Variants in CACNA2D3 observed in about 807,000 individuals in gnomAD.
The protein encoded by CACNA2D3 is calcium voltage-gated channel auxiliary subunit alpha2delta 3, also known as voltage-dependent calcium channel subunit alpha-2/delta-3.
In CACNA2D3, 60 loss-of-function variants were observed where a neutral mutation model predicts 160.6. The ratio of observed to expected loss-of-function variants is 0.37; its 90% CI spans 0.30 to 0.46. The LOEUF (loss-of-function observed/expected upper bound fraction) is 0.46, where lower values mean the gene tolerates loss of function less well. Ranked by LOEUF, CACNA2D3 falls within the 20% of genes least tolerant of loss-of-function variation. The probability of loss-of-function intolerance (pLI) is 1.00; values close to 1 mark genes in which losing one functional copy is unlikely to be tolerated. For missense variants in CACNA2D3, 1,205 were observed against 1,365.0 expected, an observed-to-expected ratio of 0.88 and a Z score of 1.85; for synonymous variants, 558 against 492.9, an observed-to-expected ratio of 1.13 and a Z score of -1.75.
intron 35 of CACNA2D3, among the ~76,000 whole-genome samples, chr3:55,029,391 T>C (rs1189246122): frequency 6.6e-6 from 1 of 152,200 alleles, no homozygotes; most frequent in Non-Finnish European, 1.5e-5. Flanking sequence ...ATTACTTTCA[T>C]ACTTAGCACA....
chr3:54,823,141 C>T (rs995301061), intron 14 of CACNA2D3, among the ~76,000 whole-genome samples: 19 of 151,976 alleles, frequency 1.3e-4, no homozygotes, highest in Admixed American at 9.2e-4. Context: ...AGGTATGAGC[C>T]ACCATGCCCA....
chr3:54,145,337 T>G (rs938600898), intron 2 of CACNA2D3, among the ~76,000 whole-genome samples: 3 of 152,160 alleles, frequency 2.0e-5, no homozygotes, highest in African/African-American at 7.2e-5. Context: ...CCAGGGTGTT[T>G]TGATAATGAA....
intron 3 of CACNA2D3, among the ~76,000 whole-genome samples, chr3:54,335,122 G>A (rs977070788): frequency 8.5e-5 from 13 of 152,180 alleles, no homozygotes; most frequent in African/African-American, 2.9e-4. Context: ...CATACAGAAA[G>A]TATGGATATG....
intron 4 of CACNA2D3, among the ~76,000 whole-genome samples, chr3:54,494,519 TTG>T (rs1448384007): frequency 6.6e-6 from 1 of 152,196 alleles, no homozygotes; most frequent in Non-Finnish European, 1.5e-5. Flanking sequence ...TCATTGTCCT[TTG>T]TCAAGCAGGC....
chr3:54,139,316 A>C (rs1699875693), intron 2 of CACNA2D3, among the ~76,000 whole-genome samples: 1 of 152,208 alleles, frequency 6.6e-6, no homozygotes, highest in Non-Finnish European at 1.5e-5. Flanking sequence ...GGAGGCATGC[A>C]CGGGCTGCTG....
Position 54,510,263 on chromosome 3 carries a change from C to T in CACNA2D3, c.544+6609C>T, listed in dbSNP as rs533596003. On this transcript the variant is annotated intron_variant, in intron 5 of 37. Coordinates refer to ENST00000474759, the MANE Select transcript of CACNA2D3 (RefSeq NM_018398.3). ...ATGGATGAATGGATGAAGGGTGGGT[C>T]GGTGAGTGGATGGATGGATGGATGA... 1.7e-4 allele frequency among the ~76,000 whole-genome samples: 25 copies of T among 151,164 alleles called. No homozygotes were observed. In the South Asian group the frequency reaches 2.5e-3, roughly 15 times the overall value.
At chr3:54,697,340 A>G (rs1191674842) in intron 11 of CACNA2D3, among the ~76,000 whole-genome samples, 1 of 152,198 alleles carries the variant, frequency 6.6e-6, no homozygotes, top group African/African-American at 2.4e-5. Context: ...CTCTGGGTCC[A>G]GAGTCAGACT....
At chr3:54,686,926 A>T (rs771503861) in intron 11 of CACNA2D3, among the ~76,000 whole-genome samples, 6 of 152,040 alleles carry the variant, frequency 3.9e-5, no homozygotes, top group Non-Finnish European at 7.4e-5. Context: ...TAGTTTTTCA[A>T]ATGCCTATTG....
chr3:54,972,029 T>A (rs576455494), intron 29 of CACNA2D3, among the ~76,000 whole-genome samples: 1 of 152,226 alleles, frequency 6.6e-6, no homozygotes, highest in African/African-American at 2.4e-5. Context: ...TCTGAAGATG[T>A]TTTCTTCCAT....
intron 14 of CACNA2D3, among the ~76,000 whole-genome samples, chr3:54,834,208 A>G (rs1402762009): frequency 6.6e-6 from 1 of 152,186 alleles, no homozygotes; most frequent in African/African-American, 2.4e-5. Context: ...TGCAGGAAAA[A>G]GGCTTCATTT....
At chr3:54,709,491 G>T (rs1700917151) in intron 11 of CACNA2D3, among the ~76,000 whole-genome samples, 1 of 152,048 alleles carries the variant, frequency 6.6e-6, no homozygotes, top group Non-Finnish European at 1.5e-5. Flanking sequence ...CTCCCGAGTA[G>T]TTGGGACTGC....
At chr3:55,045,570 CTTTA>C (rs2107197363) in intron 35 of CACNA2D3, among the ~76,000 whole-genome samples, 1 of 152,252 alleles carries the variant, frequency 6.6e-6, no homozygotes, top group South Asian at 2.1e-4. Flanking sequence ...AATTCAATAT[CTTTA>C]TTTAAGATCA....
chr3:54,219,238 T>C (rs2107374662), intron 2 of CACNA2D3, among the ~76,000 whole-genome samples: 1 of 152,314 alleles, frequency 6.6e-6, no homozygotes, highest in East Asian at 1.9e-4. Flanking sequence ...AGTGACTTCA[T>C]GTTGGTAGCT....
At chr3:54,256,961 G>A (rs1006452075) in intron 2 of CACNA2D3, among the ~76,000 whole-genome samples, 3 of 152,162 alleles carry the variant, frequency 2.0e-5, no homozygotes, top group African/African-American at 7.2e-5. Flanking sequence ...ATAAATCTGC[G>A]TTTGGCCCTT....
chr3:54,879,280 C>G, intron 19 of CACNA2D3, 70 bp from the exon 20 acceptor site: 1 of 1,182,846 alleles, frequency 8.5e-7, no homozygotes, highest in Non-Finnish European at 1.2e-6. Context: ...TTATTTATTT[C>G]TGAAGACGTC....
At chr3:54,694,895 A>G (rs1385602356) in intron 11 of CACNA2D3, among the ~76,000 whole-genome samples, 2 of 152,216 alleles carry the variant, frequency 1.3e-5, no homozygotes, top group African/African-American at 4.8e-5. Flanking sequence ...CATAGTTAAA[A>G]TCCCAATGTA....
chr3:54,442,229 G>A (rs1001690194), intron 4 of CACNA2D3, among the ~76,000 whole-genome samples: 3 of 152,064 alleles, frequency 2.0e-5, no homozygotes, highest in Non-Finnish European at 4.4e-5. Context: ...TGATCTCTCA[G>A]CCTCCCTTGC....
intron 35 of CACNA2D3, among the ~76,000 whole-genome samples, chr3:55,063,667 C>T (rs1257525026): frequency 6.6e-6 from 1 of 152,034 alleles, no homozygotes; most frequent in African/African-American, 2.4e-5. Context: ...ACACGTCAGG[C>T]TGGAGAGAGA....
chr3:54,974,465 A>C (rs1480030964), intron 29 of CACNA2D3, among the ~76,000 whole-genome samples: 1 of 152,228 alleles, frequency 6.6e-6, no homozygotes, highest in African/African-American at 2.4e-5. Flanking sequence ...CCTTTGGGCT[A>C]GTACCCCTTC....
Sources: allele counts gnomAD v4.1 joint callset (sites outside exome capture counted in the v4.1 genomes callset), GRCh38; gene constraint gnomAD v4.1.1; transcripts MANE v1.5; gene names NCBI Gene and HGNC (gene_info 2026-07-23, HGNC 2026-07-21).